GLG1: variants seen among roughly 807,000 people sequenced by gnomAD.
GLG1 encodes the protein Golgi apparatus protein 1.
In GLG1, 38 loss-of-function variants were observed where a neutral mutation model predicts 160.5. The observed-to-expected ratio is 0.24, with a 90% CI of 0.18 to 0.31. GLG1 has a LOEUF of 0.31. GLG1 is among the 10% of genes least tolerant of loss of function. The probability of loss-of-function intolerance (pLI) is 1.00; values close to 1 mark genes in which losing one functional copy is unlikely to be tolerated. For missense variants in GLG1, 1,373 were observed against 1,505.2 expected, an observed-to-expected ratio of 0.91 and a Z score of 1.45; for synonymous variants, 644 against 543.4, an observed-to-expected ratio of 1.19 and a Z score of -2.57.
chr16:74,544,418 A>T (rs1457877380), intron 1 of GLG1, among the ~76,000 whole-genome samples: 3 of 152,144 alleles, frequency 2.0e-5, no homozygotes, highest in Non-Finnish European at 4.4e-5. Flanking sequence ...GGTTCACGCG[A>T]ATCTCCTGCT....
intron 1 of GLG1, among the ~76,000 whole-genome samples, chr16:74,557,343 A>G (rs952968729): frequency 6.6e-6 from 1 of 152,182 alleles, no homozygotes. Context: ...TTAAAGGAAA[A>G]TTTTAATCAT....
intron 14 of GLG1, among the ~76,000 whole-genome samples, chr16:74,472,070 A>T (rs770601882): frequency 6.6e-6 from 1 of 151,904 alleles, no homozygotes; most frequent in Non-Finnish European, 1.5e-5. Flanking sequence ...ACGCCCAGCT[A>T]ATTTTTTCTA....
At chr16:74,547,440 G>A (rs1248576369) in intron 1 of GLG1, among the ~76,000 whole-genome samples, 2 of 152,070 alleles carry the variant, frequency 1.3e-5, no homozygotes, top group Non-Finnish European at 2.9e-5. Flanking sequence ...TCTTGCATCT[G>A]TGTATTGGCT....
At chr16:74,508,333 A>T (rs547034615) in intron 3 of GLG1, among the ~76,000 whole-genome samples, 65 of 147,012 alleles carry the variant, frequency 4.4e-4, no homozygotes, top group African/African-American at 1.5e-3. Context: ...AAAAACCGTT[A>T]AAAAAAAAAG....
At position 74,480,348 on chromosome 16, in the gene GLG1, G is replaced by A; in HGVS notation, c.1720C>T (p.Leu574Phe). 6.2e-7 allele frequency: 1 copy of A among 1,613,696 alleles called. No homozygotes were observed. The highest frequency in any genetic ancestry group is 1.1e-5 in the South Asian group (1 of 91,070). The change falls in exon 11 of 26, where the codon CTT (leucine) becomes TTT (phenylalanine). Residue 574 changes from leucine to phenylalanine, a missense_variant. Around this residue, in one of 4 missense-constraint regions of GLG1, gnomAD observed 386 missense variants for 388.5 expected, o/e 0.99. Coordinates refer to ENST00000422840, the MANE Select transcript of GLG1 (RefSeq NM_001145667.2). ...TCATTCCAACCGTGGGTGTGGCAAA[G>A]ACGAGAAGCGTCTCCCTGGCACTTG... ...YRKCQGDASR[L>F]CHTHGWNETS...
intron 1 of GLG1, among the ~76,000 whole-genome samples, chr16:74,545,066 C>T (rs1360979107): frequency 6.6e-6 from 1 of 152,022 alleles, no homozygotes; most frequent in Non-Finnish European, 1.5e-5. Flanking sequence ...AAGGCAACTT[C>T]GGTTTAAATT....
intron 9 of GLG1, among the ~76,000 whole-genome samples, chr16:74,483,626 C>G (rs937423872): frequency 2.6e-5 from 4 of 151,782 alleles, no homozygotes; most frequent in African/African-American, 9.7e-5. Context: ...CATGTAATAC[C>G]CTGTTAGTTT....
intron 1 of GLG1, among the ~76,000 whole-genome samples, chr16:74,599,059 G>A (rs1958375985): frequency 6.6e-6 from 1 of 151,998 alleles, no homozygotes; most frequent in South Asian, 2.1e-4. Context: ...ACAGAACAAT[G>A]AATTATTAAG....
intron 1 of GLG1, among the ~76,000 whole-genome samples, chr16:74,556,106 TG>T (rs2018345401): frequency 6.6e-6 from 1 of 152,328 alleles, no homozygotes; most frequent in Admixed American, 6.5e-5. Context: ...CTCAAAGTGC[TG>T]GGATTATAGG....
At chr16:74,461,935 G>A in intron 22 of GLG1, 159 bp downstream of exon 22, 1 of 567,596 alleles carries the variant, frequency 1.8e-6, no homozygotes, top group South Asian at 2.2e-5. Flanking sequence ...TGAATTCAGT[G>A]TTACAAAGAA....
At chr16:74,458,892 A>G (rs1039393017) in intron 23 of GLG1, among the ~76,000 whole-genome samples, 3 of 152,206 alleles carry the variant, frequency 2.0e-5, no homozygotes. Context: ...CCATTTATAC[A>G]TAAGGGAACT....
In GLG1 at chr16:74,450,507, T is replaced by C. The variant is rs1053905509; in HGVS notation, c.*2660A>G. 6.6e-6 allele frequency: 1 copy of C among 152,200 alleles called. No individual in the cohort carries two copies. The highest frequency in any genetic ancestry group is 1.5e-5 in the Non-Finnish European group (1 of 68,034). 9.4% of individuals were successfully genotyped at this position (152,200 alleles called of 1,614,324 possible). A position where few individuals can be genotyped will look rare whatever the true frequency, so the allele number is the denominator to read the frequency against. On this transcript the variant is annotated 3_prime_UTR_variant, in exon 26 of 26. Transcript: ENST00000422840. Reference sequence around the variant, plus strand: ...TGAAAGACATTCTTGTAATAAGTAATTGAAGATACTGGCAGAGCTAACTTT... The same window carrying C: ...TGAAAGACATTCTTGTAATAAGTAACTGAAGATACTGGCAGAGCTAACTTT...
intron 9 of GLG1, among the ~76,000 whole-genome samples, chr16:74,485,504 T>C (rs1380947574): frequency 2.0e-5 from 3 of 152,244 alleles, no homozygotes; most frequent in Non-Finnish European, 4.4e-5. Context: ...TCATTTTAAT[T>C]TGATCGTGAT....
At chr16:74,465,642 C>G (rs2143206352) in intron 19 of GLG1, 34 bp downstream of exon 19, 1 of 1,604,546 alleles carries the variant, frequency 6.2e-7, no homozygotes, top group East Asian at 2.2e-5. Flanking sequence ...TTTTGTTGTT[C>G]ATCCGTGCTC....
chr16:74,478,159 TG>T (rs1567468982), intron 11 of GLG1, among the ~76,000 whole-genome samples: 1 of 152,092 alleles, frequency 6.6e-6, no homozygotes, highest in African/African-American at 2.4e-5. Flanking sequence ...CTAGGTTAGT[TG>T]GAAAGTTTTG....
chr16:74,471,348 C>T (rs1456233712), intron 14 of GLG1, 62 bp from the exon 15 acceptor site: 1 of 938,770 alleles, frequency 1.1e-6, no homozygotes, highest in Non-Finnish European at 1.8e-6. Flanking sequence ...AACTTGTAGC[C>T]CAGTCCGAAA....
chr16:74,604,204 T>C (rs1958510431), intron 1 of GLG1, among the ~76,000 whole-genome samples: 1 of 152,126 alleles, frequency 6.6e-6, no homozygotes, highest in South Asian at 2.1e-4. Flanking sequence ...TAAAAAATTT[T>C]TTTTCAGAAA....
intron 1 of GLG1, among the ~76,000 whole-genome samples, chr16:74,595,503 C>T (rs1311607501): frequency 6.6e-6 from 1 of 151,790 alleles, no homozygotes; most frequent in African/African-American, 2.4e-5. Context: ...CGCCACTGCA[C>T]TCCCGCCTGG....
intron 2 of GLG1, among the ~76,000 whole-genome samples, chr16:74,527,442 G>C (rs12444729): frequency 0.018 from 2,804 of 151,890 alleles, 34 homozygotes; most frequent in Non-Finnish European, 0.028. Context: ...TGGAGATGGG[G>C]TTTCACCATG....
Sources: allele counts gnomAD v4.1 joint callset (sites outside exome capture counted in the v4.1 genomes callset), GRCh38; gene constraint gnomAD v4.1.1; regional missense constraint gnomAD v4.1.1; transcripts MANE v1.5; gene names NCBI Gene and HGNC (gene_info 2026-07-23, HGNC 2026-07-21).